The following NKX6-1 variants were observed in gnomAD, a reference collection of about 807,000 sequenced individuals.
The protein encoded by NKX6-1 is NK6 homeobox 1.
Under a neutral mutation model 24.9 loss-of-function variants are expected in NKX6-1, and 11 were observed. The observed-to-expected ratio is 0.44, with a 90% CI of 0.28 to 0.73. The LOEUF is 0.73. NKX6-1 is among the 30% of genes least tolerant of loss of function. NKX6-1 has a pLI of 0.15. For missense variants in NKX6-1, 487 were observed against 502.9 expected (o/e 0.97, Z 0.30); for synonymous variants, 277 against 242.9 (o/e 1.14, Z -1.31).
Position 84,497,701 on chromosome 4 carries a change from G to C in NKX6-1, c.528C>G (p.Tyr176Ter). 7.9e-7 allele frequency: 1 copy of C among 1,269,410 alleles called. No homozygotes were observed. 78.6% of individuals were successfully genotyped at this position (1,269,410 alleles called of 1,614,324 possible). ...LSPPPPPPGL[Y>*]FSPSAAAVAA... ...CCACGGCCGCGGCGCTGGGGCTGAA[G>C]TAGAGCCCGGGCGGCGGCGGCGGCG... Residue 176 changes from tyrosine (Y) to a stop codon, truncating the protein, a stop_gained, in exon 1 of 3, where the codon TAC (tyrosine) becomes TAG (stop). Coordinates refer to ENST00000295886, the MANE Select transcript of NKX6-1 (RefSeq NM_006168.3). LOFTEE classifies it high-confidence loss of function. This position sits in a 1 kb window ranked among gnomAD's most constrained non-coding sequence, Gnocchi z 4.8.
At position 84,493,264 on chromosome 4, in the gene NKX6-1, G is replaced by C. The variant is rs1403526585; in HGVS notation, c.*25C>G. The C allele has an allele frequency of 6.5e-7, 1 of 1,539,548 alleles. No homozygotes were observed. Among genetic ancestry groups the C allele is most frequent in the Admixed American group, 2.2e-5 (1 of 45,518 alleles). On this transcript the variant is annotated 3_prime_UTR_variant, in exon 3 of 3. Coordinates refer to ENST00000295886, the MANE Select transcript of NKX6-1 (RefSeq NM_006168.3). The surrounding 1 kb of genome is among the most constrained non-coding windows in gnomAD (Gnocchi z 5.1). ...GGCCCCAGAGGTGGAGGCCGGAGCC[G>C]GGAAGGTGCGGCGGGCGGCGGCGTT...
At position 84,498,281 on chromosome 4, in the gene NKX6-1, C is replaced by A; in HGVS notation, c.-53G>T. 7.8e-7 allele frequency: 1 copy of A among 1,283,190 alleles called. No individual in the cohort carries two copies. Among genetic ancestry groups the A allele is most frequent in the East Asian group, 2.9e-5 (1 of 34,886 alleles). The allele number at this position is 1,283,190 out of a possible 1,614,324, so 79.5% of individuals were successfully genotyped here. ...TTGCAGCGAGGGCGCTGGCTGGTGC[C>A]CCCCGCGGGGCTCAGAGGAGCCGGA... On this transcript the variant is annotated 5_prime_UTR_variant, in exon 1 of 3. Coordinates refer to ENST00000295886, the MANE Select transcript of NKX6-1 (RefSeq NM_006168.3).
rs1019212679 is a variant in NKX6-1, at chr4:84,498,725, G to C, written c.-497C>G. Among the ~76,000 whole-genome samples the C allele has an allele frequency of 1.3e-5, 2 of 152,184 alleles. No individual in the cohort carries two copies. Among genetic ancestry groups the C allele is most frequent in the Non-Finnish European group, 2.9e-5 (2 of 68,036 alleles). On this transcript the variant is annotated 5_prime_UTR_variant, in exon 1 of 3. Transcript: ENST00000295886. ...AAGGACGCCTTGTGCAGCCCGTGGCGCTCCTCTGATCTTACTGGGATGCTC... is the reference window on the plus strand; with the variant it reads ...AAGGACGCCTTGTGCAGCCCGTGGCCCTCCTCTGATCTTACTGGGATGCTC...
intron 1 of NKX6-1, 100 bp from the exon 2 acceptor site, chr4:84,495,944 G>A (rs1720810737): frequency 8.2e-7 from 1 of 1,220,950 alleles, no homozygotes; most frequent in African/African-American, 1.5e-5. Flanking sequence ...TGTTTTGTGG[G>A]GAAAGAAAGC....
Position 84,492,993 on chromosome 4 carries a change from A to C in NKX6-1, c.*296T>G. ...CTGAGGCCGCTGCCCGCCTATGGGG[A>C]CGCGGCTGGGACCGTGGCCCGGCTG... On this transcript the variant is annotated 3_prime_UTR_variant, in exon 3 of 3. Coordinates refer to ENST00000295886, the MANE Select transcript of NKX6-1 (RefSeq NM_006168.3). 2 of 200,974 alleles carry C rather than the reference A, an allele frequency of 1.0e-5. No homozygotes were observed. Among genetic ancestry groups the C allele is most frequent in the Non-Finnish European group, 2.0e-5 (2 of 100,812 alleles). 12.4% of individuals were successfully genotyped at this position (200,974 alleles called of 1,614,324 possible). A position where few individuals can be genotyped will look rare whatever the true frequency, so the allele number is the denominator to read the frequency against.
chr4:84,492,821 C>G lies in NKX6-1; in HGVS notation c.*468G>C, dbSNP rs565584191. 1 of 153,658 alleles carries G rather than the reference C, an allele frequency of 6.5e-6. No individual in the cohort carries two copies. Among genetic ancestry groups the G allele is most frequent in the Non-Finnish European group, 1.4e-5 (1 of 69,076 alleles). The allele number at this position is 153,658 out of a possible 1,614,324, so 9.5% of individuals were successfully genotyped here. A position where few individuals can be genotyped will look rare whatever the true frequency, so the allele number is the denominator to read the frequency against. ...GCACAGCAGTGTGTGGGGGGGGAAA[C>G]GTCCCTCTTCCCATCTGTGGCAGCG... On this transcript the variant is annotated 3_prime_UTR_variant, in exon 3 of 3. Coordinates refer to ENST00000295886, the MANE Select transcript of NKX6-1 (RefSeq NM_006168.3).
chr4:84,493,446 G>T lies in NKX6-1; in HGVS notation c.947C>A (p.Ala316Asp), dbSNP rs2109985923. 6.2e-7 allele frequency: 1 copy of T among 1,614,250 alleles called. No homozygotes were observed. The highest frequency in any genetic ancestry group is 2.2e-5 in the East Asian group (1 of 44,874). The change falls in exon 3 of 3, where the codon GCC becomes GAC. Residue 316 changes from alanine to aspartate, a missense_variant. This residue lies in a region of NKX6-1 where 126 missense variants were observed against 105.5 expected (regional missense o/e 1.19). Transcript: ENST00000295886. This position sits in a 1 kb window ranked among gnomAD's most constrained non-coding sequence, Gnocchi z 5.1. ...GTCGTCCTCTTCCTCGTTCTCCGAG[G>T]CCCCCTTGAGGCGCTCTGTCTCCGA... ...QDSETERLKGASENEEEDDDY... is the reference protein window; with the variant it reads ...QDSETERLKGDSENEEEDDDY...
Position 84,497,635 on chromosome 4 carries a change from A to T in NKX6-1, c.594T>A (p.Pro198=). ...GRYPKPLAEL[P]GRTPIFWPGV... is the part of the protein sequence containing the mutation. ...CGGGCCAGAAGATGGGCGTCCGGCCAGGCAGCTCAGCCAGCGGCTTGGGGT... is the reference window on the plus strand; with the variant it reads ...CGGGCCAGAAGATGGGCGTCCGGCCTGGCAGCTCAGCCAGCGGCTTGGGGT... The change falls in exon 1 of 3, where the codon CCT becomes CCA. Residue 198 remains proline (P), a synonymous_variant. Transcript: ENST00000295886. The surrounding 1 kb of genome is among the most constrained non-coding windows in gnomAD (Gnocchi z 4.8). The T allele has an allele frequency of 1.6e-6, 2 of 1,282,154 alleles. No individual in the cohort carries two copies. The highest frequency in any genetic ancestry group is 2.0e-6 in the Non-Finnish European group (2 of 1,009,914). The allele number at this position is 1,282,154 out of a possible 1,614,324, so 79.4% of individuals were successfully genotyped here.
At position 84,498,073 on chromosome 4, in the gene NKX6-1, G is replaced by A. The variant is rs562267585; in HGVS notation, c.156C>T (p.Ser52=). The change falls in exon 1 of 3, where the codon TCC becomes TCT. Residue 52 remains serine, a synonymous_variant. Coordinates refer to ENST00000295886, the MANE Select transcript of NKX6-1 (RefSeq NM_006168.3). ...AGGGCGACGAGGAGGACGACGACGA[G>A]GACGAGGAGGAGGGGGGGCCGGCAG... is the stretch of plus-strand genomic sequence containing the variant. ...PLPAGPPSSS[S]SSSSSSSPSP... 1 of 1,252,864 alleles carries A rather than the reference G, an allele frequency of 8.0e-7. No individual in the cohort carries two copies. The highest frequency in any genetic ancestry group is 1.0e-6 in the Non-Finnish European group (1 of 997,768). The allele number at this position is 1,252,864 out of a possible 1,614,324, so 77.6% of individuals were successfully genotyped here.
chr4:84,493,313 C>T lies in NKX6-1; in HGVS notation c.1080G>A (p.Ala360=). The T allele has an allele frequency of 6.2e-7, 1 of 1,606,622 alleles. No homozygotes were observed. The highest frequency in any genetic ancestry group is 1.3e-5 in the African/African-American group (1 of 74,512). Residue 360 remains alanine (A), a synonymous_variant, in exon 3 of 3, where the codon GCG becomes GCA. Transcript: ENST00000295886. The surrounding 1 kb of genome is among the most constrained non-coding windows in gnomAD (Gnocchi z 5.1). ...TTCAGGATGAGCTCTCCGGCTCGGACGCGTGCAGTAGGAGGCCGCCGCCGC... is the reference window on the plus strand; with the variant it reads ...TTCAGGATGAGCTCTCCGGCTCGGATGCGTGCAGTAGGAGGCCGCCGCCGC... The part of the protein sequence containing the change: ...SGGGGGLLLH[A]SEPESSS
In NKX6-1 at chr4:84,498,145, C is replaced by G. The variant is rs369821275; in HGVS notation, c.84G>C (p.Met28Ile). 33 of 1,293,020 alleles carry G rather than the reference C, an allele frequency of 2.6e-5. No homozygotes were observed. The South Asian group carries it at 5.4e-4, about 21-fold the overall frequency. 80.1% of individuals were successfully genotyped at this position (1,293,020 alleles called of 1,614,324 possible). ...SSPPLAALHS[M>I]AEMKTPLYPA... ...GGTACAGCGGGGTCTTCATCTCGGC[C>G]ATGCTGTGCAGGGCGGCCAGGGGAG... Residue 28 changes from methionine to isoleucine, a missense_variant, in exon 1 of 3, where the codon ATG (methionine) becomes ATC (isoleucine). Physicochemically the swap from Met to Ile is conservative, Grantham distance 10. This residue lies in a region of NKX6-1 where 316 missense variants were observed against 311.4 expected (regional missense o/e 1.01). Coordinates refer to ENST00000295886, the MANE Select transcript of NKX6-1 (RefSeq NM_006168.3).
chr4:84,497,999 G>A lies in NKX6-1; in HGVS notation c.230C>T (p.Thr77Met). ...HNPGGLKPPA[T>M]GGLSSLGSPP... Reference sequence around the variant, plus strand: ...GCTGCCGAGGGATGAGAGCCCCCCCGTGGCCGGGGGCTTCAGGCCGCCTGG... The same window carrying A: ...GCTGCCGAGGGATGAGAGCCCCCCCATGGCCGGGGGCTTCAGGCCGCCTGG... Residue 77 changes from threonine to methionine, a missense_variant, in exon 1 of 3, where the codon ACG becomes ATG. Thr to Met is a moderately conservative substitution (Grantham distance 81). Coordinates refer to ENST00000295886, the MANE Select transcript of NKX6-1 (RefSeq NM_006168.3). The surrounding 1 kb of genome is among the most constrained non-coding windows in gnomAD (Gnocchi z 4.8). 3 of 1,283,238 alleles carry A rather than the reference G, an allele frequency of 2.3e-6. No individual in the cohort carries two copies. Among genetic ancestry groups the A allele is most frequent in the East Asian group, 2.9e-5 (1 of 34,676 alleles). 79.5% of individuals were successfully genotyped at this position (1,283,238 alleles called of 1,614,324 possible).
In NKX6-1 at chr4:84,497,609, C is replaced by T; in HGVS notation, c.620G>A (p.Gly207Glu). The change falls in exon 1 of 3, where the codon GGA becomes GAA. Residue 207 changes from glycine to glutamate, a missense_variant. By Grantham distance (98) the Gly-to-Glu change is moderately conservative. Coordinates refer to ENST00000295886, the MANE Select transcript of NKX6-1 (RefSeq NM_006168.3). This position sits in a 1 kb window ranked among gnomAD's most constrained non-coding sequence, Gnocchi z 4.8. The stretch of plus-strand genomic sequence containing the variant: ...CCTCCAGGGCGGGCTCTGCATCACT[C>T]CGGGCCAGAAGATGGGCGTCCGGCC... ...LPGRTPIFWP[G>E]VMQSPPWRDA... 2 of 1,279,696 alleles carry T rather than the reference C, an allele frequency of 1.6e-6. No individual in the cohort carries two copies. 79.3% of individuals were successfully genotyped at this position (1,279,696 alleles called of 1,614,324 possible).
rs1460698748 is a variant in NKX6-1 at position 84,493,550 on chromosome 4, C to G, written c.844-1G>C. Reference sequence around the variant, plus strand: ...TGGTCCGGCGGTTCTGGAACCAGACCTGAGGGCGGAGAAAAGGGAGGAGAG... The same window carrying G: ...TGGTCCGGCGGTTCTGGAACCAGACGTGAGGGCGGAGAAAAGGGAGGAGAG... On this transcript the variant is annotated splice_acceptor_variant, in intron 2 of 2. Coordinates refer to ENST00000295886, the MANE Select transcript of NKX6-1 (RefSeq NM_006168.3). LOFTEE classifies it high-confidence loss of function. The surrounding 1 kb of genome is among the most constrained non-coding windows in gnomAD (Gnocchi z 5.1). 6.2e-7 allele frequency: 1 copy of G among 1,613,952 alleles called. No individual in the cohort carries two copies. Among genetic ancestry groups the G allele is most frequent in the Non-Finnish European group, 8.5e-7 (1 of 1,179,892 alleles).
In NKX6-1 at chr4:84,498,621, G is replaced by A. The variant is rs1056404805; in HGVS notation, c.-393C>T. Among the ~76,000 whole-genome samples, 7 of 152,198 alleles carry A rather than the reference G, an allele frequency of 4.6e-5. No homozygotes were observed. Among genetic ancestry groups the A allele is most frequent in the Non-Finnish European group, 7.3e-5 (5 of 68,030 alleles). ...ACAAAACCCAGGCTGGCTCCGGAGA[G>A]TTTGTAGCAAAGTTAGTTGCCGAAT... On this transcript the variant is annotated 5_prime_UTR_variant, in exon 1 of 3. Coordinates refer to ENST00000295886, the MANE Select transcript of NKX6-1 (RefSeq NM_006168.3).
chr4:84,495,935 G>A (rs1228776260), intron 1 of NKX6-1, 91 bp from the exon 2 acceptor site: 6 of 1,299,028 alleles, frequency 4.6e-6, no homozygotes, highest in Non-Finnish European at 5.5e-6. Context: ...GAAAAACAAT[G>A]TTTTGTGGGG....
chr4:84,498,202 G>C lies in NKX6-1; in HGVS notation c.27C>G (p.Gly9=). MLAVGAME[G]TRQSAFLLSS... is the part of the protein sequence containing the mutation. ...TGAGCAGGAATGCGCTCTGCCGGGT[G>C]CCCTCCATTGCCCCCACCGCTAACA... The change falls in exon 1 of 3, where the codon GGC becomes GGG. Residue 9 remains glycine, a synonymous_variant. Transcript: ENST00000295886. The C allele has an allele frequency of 7.7e-7, 1 of 1,296,206 alleles. No individual in the cohort carries two copies. The highest frequency in any genetic ancestry group is 2.8e-5 in the East Asian group (1 of 35,528). 80.3% of individuals were successfully genotyped at this position (1,296,206 alleles called of 1,614,324 possible). A position where few individuals can be genotyped will look rare whatever the true frequency, so the allele number is the denominator to read the frequency against.
chr4:84,497,324 C>A lies in NKX6-1; in HGVS notation c.670+235G>T, dbSNP rs1239763374. On this transcript the variant is annotated intron_variant, in intron 1 of 2. Coordinates refer to ENST00000295886, the MANE Select transcript of NKX6-1 (RefSeq NM_006168.3). This position sits in a 1 kb window ranked among gnomAD's most constrained non-coding sequence, Gnocchi z 4.8. ...CACACACACACCGGCTCAGCCCAGG[C>A]GTACTCAAGACTTAGAGAGAGGGAG... Among the ~76,000 whole-genome samples, 1 of 152,138 alleles carries A rather than the reference C, an allele frequency of 6.6e-6. No homozygotes were observed. Among genetic ancestry groups the A allele is most frequent in the East Asian group, 1.9e-4 (1 of 5,176 alleles).
Position 84,499,121 on chromosome 4 carries a change from A to C in NKX6-1, c.-893T>G, listed in dbSNP as rs1720894278. Among the ~76,000 whole-genome samples, 3 of 148,348 alleles carry C rather than the reference A, an allele frequency of 2.0e-5. No homozygotes were observed. The highest frequency in any genetic ancestry group is 2.0e-4 in the East Asian group (1 of 5,000). On this transcript the variant is annotated 5_prime_UTR_variant, in exon 1 of 3. Coordinates refer to ENST00000295886, the MANE Select transcript of NKX6-1 (RefSeq NM_006168.3). ...CACCCCCGCTCCCTCTCTCCCTCTC[A>C]CTCTCAGCCTTTGACTCTCCTCTCT... is the stretch of plus-strand genomic sequence containing the variant.
Sources: allele counts gnomAD v4.1 joint callset (sites outside exome capture counted in the v4.1 genomes callset), GRCh38; gene constraint gnomAD v4.1.1; regional missense constraint gnomAD v4.1.1; non-coding constraint Gnocchi (gnomAD v3.1); transcripts MANE v1.5; gene names NCBI Gene and HGNC (gene_info 2026-07-23, HGNC 2026-07-21).